ARHGAP31: variants seen among roughly 807,000 people sequenced by gnomAD.
The protein encoded by ARHGAP31 is Rho GTPase activating protein 31, also known as rho GTPase-activating protein 31.
In ARHGAP31, 34 loss-of-function variants were observed where a neutral mutation model predicts 113.9. The ratio of observed to expected loss-of-function variants is 0.30; its 90% CI spans 0.23 to 0.40. ARHGAP31 has a LOEUF of 0.40. Among genes scored for constraint, ARHGAP31 ranks in the 10% least tolerant of loss-of-function variants. The probability of loss-of-function intolerance (pLI) is 1.00; values close to 1 mark genes in which losing one functional copy is unlikely to be tolerated. For missense variants in ARHGAP31, 1,548 were observed against 1,767.1 expected, an observed-to-expected ratio of 0.88 and a Z score of 2.22; for synonymous variants, 650 against 684.8, an observed-to-expected ratio of 0.95 and a Z score of 0.79.
chr3:119,371,717 C>T (rs1207982741), intron 3 of ARHGAP31, among the ~76,000 whole-genome samples: 1 of 152,100 alleles, frequency 6.6e-6, no homozygotes, highest in Non-Finnish European at 1.5e-5. Flanking sequence ...ACTTGTGTCA[C>T]GGGGGTTTGT....
intron 1 of ARHGAP31, among the ~76,000 whole-genome samples, chr3:119,299,363 T>C (rs1246240213): frequency 6.6e-6 from 1 of 152,252 alleles, no homozygotes; most frequent in African/African-American, 2.4e-5. Flanking sequence ...CTAAAATTTT[T>C]TTCCTAGTTC....
rs2080791029 is a variant in ARHGAP31 at position 119,417,757 on chromosome 3, G to A, written c.*1493G>A. On this transcript the variant is annotated 3_prime_UTR_variant, in exon 12 of 12. Transcript: ENST00000264245. ...TTCAATGGTTCTTTCCTTTCCAGCTGGCGAGAGAAAGGAGAACTAATATAC... is the reference window on the plus strand; with the variant it reads ...TTCAATGGTTCTTTCCTTTCCAGCTAGCGAGAGAAAGGAGAACTAATATAC... 6.6e-6 allele frequency: 1 copy of A among 152,036 alleles called. No individual in the cohort carries two copies. Among genetic ancestry groups the A allele is most frequent in the African/African-American group, 2.4e-5 (1 of 41,372 alleles). The allele number at this position is 152,036 out of a possible 1,614,324, so 9.4% of individuals were successfully genotyped here.
At position 119,294,413 on chromosome 3, in the gene ARHGAP31, A is replaced by T. The variant is rs895610789; in HGVS notation, c.-492A>T. On this transcript the variant is annotated 5_prime_UTR_variant, in exon 1 of 12. The change abolishes an upstream ATG in the 5' untranslated region. Transcript: ENST00000264245. Reference sequence around the variant, plus strand: ...CGTGAGGGCGGGCAGCAGCGACAGGATGCTTGTTTTTCGCTCTACCAAAGT... The same window carrying T: ...CGTGAGGGCGGGCAGCAGCGACAGGTTGCTTGTTTTTCGCTCTACCAAAGT... 3 of 402,906 alleles carry T rather than the reference A, an allele frequency of 7.4e-6. No individual in the cohort carries two copies. Among genetic ancestry groups the T allele is most frequent in the Non-Finnish European group, 1.3e-5 (3 of 229,630 alleles). The allele number at this position is 402,906 out of a possible 1,614,324, so 25.0% of individuals were successfully genotyped here. A position where few individuals can be genotyped will look rare whatever the true frequency, so the allele number is the denominator to read the frequency against.
chr3:119,408,357 A>C (rs2080684194), intron 10 of ARHGAP31, among the ~76,000 whole-genome samples: 2 of 152,234 alleles, frequency 1.3e-5, no homozygotes, highest in South Asian at 4.1e-4. Context: ...ATTCTGAAGC[A>C]TTTTAGTTCA....
intron 1 of ARHGAP31, among the ~76,000 whole-genome samples, chr3:119,359,606 T>C (rs1281533952): frequency 6.6e-6 from 1 of 151,980 alleles, no homozygotes; most frequent in East Asian, 1.9e-4. Context: ...GGGTGGGCAG[T>C]GACCTCCAGG....
intron 1 of ARHGAP31, among the ~76,000 whole-genome samples, chr3:119,336,265 C>A (rs1215816831): frequency 1.3e-5 from 2 of 152,154 alleles, no homozygotes; most frequent in African/African-American, 4.8e-5. Flanking sequence ...TATGAAATGG[C>A]TCTTGACTTC....
rs1406312528 is a variant in ARHGAP31 at position 119,414,272 on chromosome 3, C to T, written c.2343C>T (p.Leu781=). The T allele has an allele frequency of 1.2e-6, 2 of 1,614,056 alleles. No homozygotes were observed. The highest frequency in any genetic ancestry group is 2.7e-5 in the African/African-American group (2 of 74,930). ...GCCCAGGCAATCTGTCTCCTCCACT[C>T]CCACCTGCTCCTCCCCCTCCAACTC... ...VGGPGNLSPP[L]PPAPPPPTPL... is the part of the protein sequence containing the mutation. The change falls in exon 12 of 12, where the codon CTC becomes CTT. Residue 781 remains leucine, a synonymous_variant. Coordinates refer to ENST00000264245, the MANE Select transcript of ARHGAP31 (RefSeq NM_020754.4).
intron 1 of ARHGAP31, among the ~76,000 whole-genome samples, chr3:119,361,393 T>A (rs78905144): frequency 2.0e-5 from 3 of 150,770 alleles, no homozygotes; most frequent in Admixed American, 6.6e-5. Flanking sequence ...TTTTTTTTTT[T>A]AAGACAGAGT....
rs928948762 is a variant in ARHGAP31, at chr3:119,304,090, G to A, written c.100+9086G>A. ...ATTACAGGTGTAAGCCACCGCACCC[G>A]GCCTCTTTTCATGTTTTAATCAGAT... On this transcript the variant is annotated intron_variant, in intron 1 of 11. Transcript: ENST00000264245. 6.6e-5 allele frequency among the ~76,000 whole-genome samples: 10 copies of A among 152,012 alleles called. No individual in the cohort carries two copies. The East Asian group carries it at 7.7e-4, about 12-fold the overall frequency.
intron 1 of ARHGAP31, among the ~76,000 whole-genome samples, chr3:119,337,256 G>C (rs1041729680): frequency 6.6e-6 from 1 of 152,120 alleles, no homozygotes; most frequent in African/African-American, 2.4e-5. Flanking sequence ...CTTCTGGTGG[G>C]TTCATGGTCT....
chr3:119,364,073 G>C (rs1034904155), intron 1 of ARHGAP31, among the ~76,000 whole-genome samples: 1 of 152,112 alleles, frequency 6.6e-6, no homozygotes, highest in African/African-American at 2.4e-5. Context: ...TGAGCTGGCT[G>C]GTTCTCTCAA....
chr3:119,378,819 G>A (rs2107629510), intron 3 of ARHGAP31, among the ~76,000 whole-genome samples: 1 of 152,260 alleles, frequency 6.6e-6, no homozygotes, highest in South Asian at 2.1e-4. Flanking sequence ...GAGGTGTCAG[G>A]GGGCTTACTG....
rs998459241 is a variant in ARHGAP31, at chr3:119,420,159, G to A, written c.*3895G>A. ...ATACTGGGGAGCATACAATTATTTT[G>A]TCCAGTATTAGAGTGGGAGAAGTTC... On this transcript the variant is annotated 3_prime_UTR_variant, in exon 12 of 12. Transcript: ENST00000264245. 2 of 152,166 alleles carry A rather than the reference G, an allele frequency of 1.3e-5. No individual in the cohort carries two copies. The highest frequency in any genetic ancestry group is 4.8e-5 in the African/African-American group (2 of 41,424). The allele number at this position is 152,166 out of a possible 1,614,324, so 9.4% of individuals were successfully genotyped here.
chr3:119,349,514 T>G (rs553786048), intron 1 of ARHGAP31, among the ~76,000 whole-genome samples: 1 of 152,282 alleles, frequency 6.6e-6, no homozygotes, highest in Admixed American at 6.5e-5. Flanking sequence ...TGAAGAGAAC[T>G]GTGAGGAGTT....
chr3:119,365,537 C>A, intron 2 of ARHGAP31, 119 bp downstream of exon 2: 2 of 875,066 alleles, frequency 2.3e-6, no homozygotes, highest in Admixed American at 2.0e-5. Context: ...TGTGGCAGCA[C>A]CGAAGATCAG....
intron 11 of ARHGAP31, 119 bp downstream of exon 11, chr3:119,409,895 G>C: frequency 9.2e-7 from 1 of 1,082,448 alleles, no homozygotes; most frequent in Non-Finnish European, 1.3e-6. Context: ...TTCTGCCAAA[G>C]GGACTTTAAG....
chr3:119,392,928 T>C (rs937699940), intron 7 of ARHGAP31, among the ~76,000 whole-genome samples: 1 of 152,058 alleles, frequency 6.6e-6, no homozygotes, highest in African/African-American at 2.4e-5. Context: ...GTGCATATGG[T>C]CTTTAGTGTT....
intron 1 of ARHGAP31, among the ~76,000 whole-genome samples, chr3:119,364,876 T>C (rs887795397): frequency 6.6e-6 from 1 of 152,312 alleles, no homozygotes; most frequent in African/African-American, 2.4e-5. Context: ...GTGGATCACC[T>C]GAAGTCAAGT....
intron 3 of ARHGAP31, among the ~76,000 whole-genome samples, chr3:119,369,973 GA>G (rs1443371385): frequency 1.3e-5 from 2 of 151,580 alleles, no homozygotes; most frequent in Admixed American, 6.6e-5. Flanking sequence ...AGAAAAGAAA[GA>G]AAAAAATAGT....
Sources: allele counts gnomAD v4.1 joint callset (sites outside exome capture counted in the v4.1 genomes callset), GRCh38; gene constraint gnomAD v4.1.1; transcripts MANE v1.5; gene names NCBI Gene and HGNC (gene_info 2026-07-23, HGNC 2026-07-21).